Variants in TUBB8 observed in about 807,000 individuals in gnomAD.
TUBB8 encodes the protein tubulin beta-8 chain.
In TUBB8, 25 loss-of-function variants were observed where a neutral mutation model predicts 33.7. The observed-to-expected ratio is 0.74, with a 90% CI of 0.54 to 1.04. The LOEUF (loss-of-function observed/expected upper bound fraction) is 1.04. Ranked by LOEUF, TUBB8 falls within the 50% of genes least tolerant of loss-of-function variation. The pLI is 0.00. For missense variants in TUBB8, 279 were observed against 608.0 expected (o/e 0.46, Z 5.69); for synonymous variants, 245 against 240.1 (o/e 1.02, Z -0.19).
chr10:68,188 T>C (rs1303651160), intron 1 of TUBB8, among the ~76,000 whole-genome samples: 1 of 152,194 alleles, frequency 6.6e-6, no homozygotes, highest in African/African-American at 2.4e-5. Context: ...GTAATACTGA[T>C]ATGACACCCA....
At chr10:73,224 G>C (rs1323287126) in intron 1 of TUBB8, among the ~76,000 whole-genome samples, 6 of 152,224 alleles carry the variant, frequency 3.9e-5, no homozygotes, top group African/African-American at 1.4e-4. Context: ...ATTTGTTTTT[G>C]TTTTTTGAGA....
chr10:69,525 A>C (rs1421934981), intron 1 of TUBB8, among the ~76,000 whole-genome samples: 1 of 152,250 alleles, frequency 6.6e-6, no homozygotes, highest in Non-Finnish European at 1.5e-5. Flanking sequence ...CAAGGAAATA[A>C]TAGTTTAATG....
At chr10:46,750 T>G, downstream of TUBB8, 1 of 395,694 alleles carries the variant, frequency 2.5e-6, no homozygotes, top group Non-Finnish European at 4.6e-6. Flanking sequence ...CCACAGCCCA[T>G]ACCGACCCCT....
chr10:72,316 T>C (rs1328367549), intron 1 of TUBB8, among the ~76,000 whole-genome samples: 2 of 149,426 alleles, frequency 1.3e-5, no homozygotes, highest in African/African-American at 4.9e-5. Context: ...CCCAGCACTA[T>C]GGGAGGCCGA....
At chr10:55,811 T>A (rs2130938936) in intron 1 of TUBB8, among the ~76,000 whole-genome samples, 1 of 152,364 alleles carries the variant, frequency 6.6e-6, no homozygotes, top group South Asian at 2.1e-4. Context: ...TGTATGAGTT[T>A]GTTTCTAAGT....
intron 1 of TUBB8, among the ~76,000 whole-genome samples, chr10:56,312 T>C (rs530803616): frequency 6.6e-6 from 1 of 152,208 alleles, no homozygotes; most frequent in Non-Finnish European, 1.5e-5. Context: ...TACTGATTTG[T>C]ACATGTTGAT....
intron 1 of TUBB8, among the ~76,000 whole-genome samples, chr10:62,713 A>C (rs1249139682): frequency 6.6e-6 from 1 of 152,252 alleles, no homozygotes; most frequent in Non-Finnish European, 1.5e-5. Flanking sequence ...TTTGTCGGAA[A>C]AAGTTCTCAT....
At chr10:68,388 T>C (rs573264810) in intron 1 of TUBB8, among the ~76,000 whole-genome samples, 1 of 152,312 alleles carries the variant, frequency 6.6e-6, no homozygotes, top group African/African-American at 2.4e-5. Flanking sequence ...AATACTGATA[T>C]GACGCCCACA....
At chr10:58,903 T>G (rs1554740514) in intron 1 of TUBB8, among the ~76,000 whole-genome samples, 1 of 152,212 alleles carries the variant, frequency 6.6e-6, no homozygotes, top group Non-Finnish European at 1.5e-5. Context: ...CCAACTGGGG[T>G]GCCTTTTATT....
At chr10:50,287 G>T (rs1554739359), upstream of TUBB8, 1 of 152,182 alleles carries the variant, frequency 6.6e-6, no homozygotes, top group Admixed American at 6.5e-5. Flanking sequence ...AGGGTGAAAA[G>T]AATCATGAAA....
intron 1 of TUBB8, among the ~76,000 whole-genome samples, chr10:58,173 G>A (rs1554740432): frequency 3.3e-5 from 5 of 152,236 alleles, no homozygotes; most frequent in African/African-American, 4.8e-5. Context: ...CCTTTGCTTC[G>A]GTCCTAATTT....
intron 1 of TUBB8, among the ~76,000 whole-genome samples, chr10:68,982 C>T (rs2130950579): frequency 6.6e-6 from 1 of 152,360 alleles, no homozygotes; most frequent in Admixed American, 6.5e-5. Flanking sequence ...GATGCAGACC[C>T]TGCGTTCCCA....
At chr10:53,439 T>C (rs1834493010), upstream of TUBB8, among the ~76,000 whole-genome samples, 3 of 152,346 alleles carry the variant, frequency 2.0e-5, no homozygotes, top group South Asian at 6.2e-4. Flanking sequence ...CAATGAGGCT[T>C]TTAAATAATT....
upstream of TUBB8, among the ~76,000 whole-genome samples, chr10:52,802 C>T (rs1365758007): frequency 6.6e-6 from 1 of 152,186 alleles, no homozygotes; most frequent in Non-Finnish European, 1.5e-5. Context: ...TAGGTATTAA[C>T]CTTCTAGATG....
upstream of TUBB8, among the ~76,000 whole-genome samples, chr10:52,533 C>T (rs1834481654): frequency 6.6e-6 from 1 of 152,222 alleles, no homozygotes; most frequent in African/African-American, 2.4e-5. Context: ...TTGTTAGTGT[C>T]TCTAACTATA....
At chr10:68,932 T>C (rs1385465433) in intron 1 of TUBB8, among the ~76,000 whole-genome samples, 2 of 152,336 alleles carry the variant, frequency 1.3e-5, no homozygotes, top group East Asian at 3.9e-4. Context: ...CGTTGGCAGA[T>C]AACTCCCAGC....
At chr10:49,007 C>T in intron 1 of TUBB8, 95 bp from the exon 2 acceptor site, 1 of 1,243,296 alleles carries the variant, frequency 8.0e-7, no homozygotes, top group Non-Finnish European at 1.1e-6. Context: ...ACCCCCATCC[C>T]TAGGCCGCCC....
In TUBB8 at chr10:48,021, G is replaced by A. The variant is rs1834385333; in HGVS notation, c.371C>T (p.Ala124Val). ...ACCCTGCAGGCAGTCACAGCTCTCA[G>A]CCTCCTTTCTGACAACGTCCATCAC... ...ESVMDVVRKE[A>V]ESCDCLQGFQ... The change falls in exon 4 of 4, where the codon GCT becomes GTT. Residue 124 changes from alanine to valine, a missense_variant. Coordinates refer to ENST00000568584, the MANE Select transcript of TUBB8 (RefSeq NM_177987.3). The A allele has an allele frequency of 6.2e-7, 1 of 1,613,954 alleles. No homozygotes were observed. The highest frequency in any genetic ancestry group is 8.5e-7 in the Non-Finnish European group (1 of 1,179,960).
At chr10:54,711 TGTATTA>T (rs1834507722) in intron 1 of TUBB8, among the ~76,000 whole-genome samples, 2 of 152,200 alleles carry the variant, frequency 1.3e-5, no homozygotes, top group Admixed American at 1.3e-4. Flanking sequence ...TATATTGTAG[TGTATTA>T]GTCTGTTTCT....
Sources: allele counts gnomAD v4.1 joint callset (sites outside exome capture counted in the v4.1 genomes callset), GRCh38; gene constraint gnomAD v4.1.1; transcripts MANE v1.5; gene names NCBI Gene and HGNC (gene_info 2026-07-23, HGNC 2026-07-21).